The following FBXW8 variants were observed in gnomAD, a reference collection of about 807,000 sequenced individuals.
The protein encoded by FBXW8 is F-box and WD repeat domain containing 8.
A neutral mutation model predicts 65.3 loss-of-function variants in FBXW8; 57 were observed. The observed-to-expected ratio is 0.87, with a 90% CI of 0.71 to 1.09. The LOEUF is 1.09. Among genes scored for constraint, FBXW8 ranks in the 50% least tolerant of loss-of-function variants. FBXW8 has a pLI of 0.00. For missense variants in FBXW8, 777 were observed against 814.8 expected (o/e 0.95, Z 0.57); for synonymous variants, 308 against 330.2 (o/e 0.93, Z 0.73).
In FBXW8 at chr12:116,920,358, G is replaced by T. The variant is rs1880794173; in HGVS notation, c.319-7665G>T. ...TTCATATCCCACAAATATTTATTAAGTGTCTTCTTGGTACCAGCCACTGTT... is the reference window on the plus strand; with the variant it reads ...TTCATATCCCACAAATATTTATTAATTGTCTTCTTGGTACCAGCCACTGTT... On this transcript the variant is annotated intron_variant, in intron 1 of 10. Coordinates refer to ENST00000652555, the MANE Select transcript of FBXW8 (RefSeq NM_153348.3). 3.9e-5 allele frequency among the ~76,000 whole-genome samples: 6 copies of T among 152,300 alleles called. 1 individual carries two copies. In the South Asian group the frequency reaches 1.2e-3, roughly 32 times the overall value.
chr12:116,910,997 G>C lies in FBXW8; in HGVS notation c.-41G>C. ...TGGGCGGGACTGTCTCGTGGCACCCGGTGGAACCGAGGAGAACGTGGAGCG... is the reference window on the plus strand; with the variant it reads ...TGGGCGGGACTGTCTCGTGGCACCCCGTGGAACCGAGGAGAACGTGGAGCG... On this transcript the variant is annotated 5_prime_UTR_variant, in exon 1 of 11. Coordinates refer to ENST00000652555, the MANE Select transcript of FBXW8 (RefSeq NM_153348.3). 7.3e-7 allele frequency: 1 copy of C among 1,360,950 alleles called. No individual in the cohort carries two copies. The highest frequency in any genetic ancestry group is 9.4e-7 in the Non-Finnish European group (1 of 1,063,354). 84.3% of individuals were successfully genotyped at this position (1,360,950 alleles called of 1,614,324 possible). A position where few individuals can be genotyped will look rare whatever the true frequency, so the allele number is the denominator to read the frequency against.
chr12:116,928,158 T>G (rs764580740), intron 2 of FBXW8, 31 bp downstream of exon 2: 10 of 1,372,584 alleles, frequency 7.3e-6, no homozygotes, highest in Admixed American at 1.7e-5. Context: ...GTTCCAGATT[T>G]TCCTAAATGT....
intron 3 of FBXW8, among the ~76,000 whole-genome samples, chr12:116,948,082 G>C (rs1025920730): frequency 6.6e-6 from 1 of 152,178 alleles, no homozygotes; most frequent in Non-Finnish European, 1.5e-5. Flanking sequence ...GGGACCCCAG[G>C]GTTCTCAGGT....
chr12:116,949,805 GC>G, intron 4 of FBXW8, 99 bp downstream of exon 4: 1 of 1,061,704 alleles, frequency 9.4e-7, no homozygotes, highest in Non-Finnish European at 1.5e-6. Flanking sequence ...TCCTTTGAGA[GC>G]ATGTACCTCC....
intron 4 of FBXW8, chr12:116,950,082 C>CT (rs1883179363): frequency 5.5e-6 from 1 of 180,666 alleles, no homozygotes; most frequent in South Asian, 1.4e-4. Context: ...TTCTCATTCT[C>CT]TTTTTCTAAA....
In FBXW8 at chr12:116,988,732, A is replaced by G; in HGVS notation, c.1102A>G (p.Met368Val). 6.2e-7 allele frequency: 1 copy of G among 1,614,122 alleles called. No individual in the cohort carries two copies. The highest frequency in any genetic ancestry group is 8.5e-7 in the Non-Finnish European group (1 of 1,180,028). ...GGCAGTAGCCGCTGCTGGAGATCTG[A>G]TGTACCTGCTCAAAGCCGAAGACTC... ...PVAVAAAGDL[M>V]YLLKAEDSAR... The change falls in exon 7 of 11, where the codon ATG becomes GTG. Residue 368 changes from methionine (M) to valine (V), a missense_variant. Met to Val is a conservative substitution (Grantham distance 21). Coordinates refer to ENST00000652555, the MANE Select transcript of FBXW8 (RefSeq NM_153348.3).
chr12:117,028,391 C>T lies in FBXW8; in HGVS notation c.*219C>T. 2 of 596,778 alleles carry T rather than the reference C, an allele frequency of 3.4e-6. No individual in the cohort carries two copies. The highest frequency in any genetic ancestry group is 5.8e-5 in the East Asian group (2 of 34,290). The allele number at this position is 596,778 out of a possible 1,614,324, so 37.0% of individuals were successfully genotyped here. ...GCTCGAGTCCCACGTGCTGCCAACT[C>T]AAACATAGCCTCCTTCCCCACCCAG... On this transcript the variant is annotated 3_prime_UTR_variant, in exon 11 of 11. Transcript: ENST00000652555. The surrounding 1 kb of genome is among the most constrained non-coding windows in gnomAD (Gnocchi z 4.1).
intron 7 of FBXW8, among the ~76,000 whole-genome samples, chr12:116,999,493 G>C (rs1415689979): frequency 6.6e-6 from 1 of 152,222 alleles, no homozygotes; most frequent in Non-Finnish European, 1.5e-5. Flanking sequence ...AGTTTTAAAA[G>C]TATGTTGAAA....
chr12:116,943,691 A>C (rs1346121408), intron 2 of FBXW8, among the ~76,000 whole-genome samples: 1 of 152,196 alleles, frequency 6.6e-6, no homozygotes, highest in Non-Finnish European at 1.5e-5. Flanking sequence ...CTGGGCACAC[A>C]CATAGCCCTA....
At chr12:116,945,269 C>T in intron 2 of FBXW8, 95 bp from the exon 3 acceptor site, 1 of 1,268,540 alleles carries the variant, frequency 7.9e-7, no homozygotes, top group Non-Finnish European at 1.1e-6. Flanking sequence ...CTGCCATAAA[C>T]CCAGGGCAAT....
chr12:116,918,969 T>G (rs1304784898), intron 1 of FBXW8, among the ~76,000 whole-genome samples: 2 of 152,148 alleles, frequency 1.3e-5, no homozygotes, highest in African/African-American at 4.8e-5. Context: ...TGCCATGTTT[T>G]TTTTTCCTAT....
intron 8 of FBXW8, 65 bp from the exon 9 acceptor site, chr12:117,024,082 G>C (rs1954164999): frequency 1.9e-6 from 3 of 1,557,706 alleles, no homozygotes; most frequent in Non-Finnish European, 2.6e-6. Flanking sequence ...TGGAGGGGGA[G>C]TTTGTCATTT....
chr12:116,966,843 C>T (rs1477640469), intron 5 of FBXW8, among the ~76,000 whole-genome samples: 1 of 152,022 alleles, frequency 6.6e-6, no homozygotes, highest in Non-Finnish European at 1.5e-5. Context: ...CTCAGCCTCC[C>T]GAGTAGCTGG....
At chr12:116,993,098 CTTTTT>C (rs71099026) in intron 7 of FBXW8, among the ~76,000 whole-genome samples, 1 of 85,420 alleles carries the variant, frequency 1.2e-5, no homozygotes, top group African/African-American at 4.6e-5. Flanking sequence ...TGATTTTTGA[CTTTTT>C]TTTTTTTTTT....
rs1884003894 is a variant in FBXW8 at position 116,961,868 on chromosome 12, T to G, written c.678-2829T>G. ...AGTCAGGTGTTTTGAAGGGCTTGGC[T>G]TGTGGGGGGAGGATTGAATGGAAGA... On this transcript the variant is annotated intron_variant, in intron 4 of 10. Transcript: ENST00000652555. The surrounding 1 kb of genome is among the most constrained non-coding windows in gnomAD (Gnocchi z 4.4). Among the ~76,000 whole-genome samples the G allele has an allele frequency of 6.6e-6, 1 of 152,118 alleles. No homozygotes were observed.
chr12:117,025,752 C>T (rs1010027674), intron 9 of FBXW8, among the ~76,000 whole-genome samples: 4 of 152,210 alleles, frequency 2.6e-5, no homozygotes, highest in Non-Finnish European at 4.4e-5. Context: ...CTAAAACTCC[C>T]GCACTGAAAT....
intron 2 of FBXW8, among the ~76,000 whole-genome samples, chr12:116,940,572 T>C (rs1170973987): frequency 6.6e-6 from 1 of 151,578 alleles, no homozygotes; most frequent in Non-Finnish European, 1.5e-5. Context: ...GGGTTACTGT[T>C]GCGAGGAAGA....
intron 3 of FBXW8, among the ~76,000 whole-genome samples, chr12:116,947,863 C>T (rs116486030): frequency 0.015 from 2,260 of 152,124 alleles, 48 homozygotes; most frequent in African/African-American, 0.045. Context: ...CTGCTCATGG[C>T]GTCATGGTGA....
At chr12:116,912,903 C>T (rs933980891) in intron 1 of FBXW8, among the ~76,000 whole-genome samples, 2 of 152,146 alleles carry the variant, frequency 1.3e-5, no homozygotes, top group African/African-American at 4.8e-5. Flanking sequence ...TGCCCTAATT[C>T]GAATATAACA....
Sources: allele counts gnomAD v4.1 joint callset (sites outside exome capture counted in the v4.1 genomes callset), GRCh38; gene constraint gnomAD v4.1.1; non-coding constraint Gnocchi (gnomAD v3.1); transcripts MANE v1.5; gene names NCBI Gene and HGNC (gene_info 2026-07-23, HGNC 2026-07-21).